The following UNC5D variants were observed in gnomAD, a reference collection of about 807,000 sequenced individuals.
UNC5D encodes netrin receptor UNC5D.
Under a neutral mutation model 105.4 loss-of-function variants are expected in UNC5D, and 39 were observed. The ratio of observed to expected loss-of-function variants is 0.37; its 90% CI spans 0.29 to 0.48. UNC5D has a LOEUF of 0.48. Ranked by LOEUF, UNC5D falls within the 20% of genes least tolerant of loss-of-function variation. UNC5D has a pLI of 0.98. For synonymous variants in UNC5D, 452 were observed against 450.4 expected (o/e 1.00, Z -0.04); for missense variants, 991 against 1,202.4 (o/e 0.82, Z 2.60).
chr8:35,550,281 C>T (rs1043084190), intron 2 of UNC5D, among the ~76,000 whole-genome samples: 4 of 152,176 alleles, frequency 2.6e-5, no homozygotes, highest in African/African-American at 9.7e-5. Context: ...AAGTAAAGTG[C>T]TTGCCCTGGA....
rs563446051 is a variant in UNC5D at position 35,391,097 on chromosome 8, G to A, written c.103+155210G>A. Among the ~76,000 whole-genome samples, 5 of 152,340 alleles carry A rather than the reference G, an allele frequency of 3.3e-5. No individual in the cohort carries two copies. The South Asian group carries it at 1.0e-3, about 32-fold the overall frequency. ...AATCTGGGAGAGATGCATAAAGAATGTTATATGCTGTAGGCATAGGAGGAA... is the reference window on the plus strand; with the variant it reads ...AATCTGGGAGAGATGCATAAAGAATATTATATGCTGTAGGCATAGGAGGAA... On this transcript the variant is annotated intron_variant, in intron 1 of 16. Transcript: ENST00000404895.
At chr8:35,638,453 T>A (rs975243994) in intron 4 of UNC5D, among the ~76,000 whole-genome samples, 4 of 151,976 alleles carry the variant, frequency 2.6e-5, no homozygotes, top group African/African-American at 9.7e-5. Flanking sequence ...TTATTATTAC[T>A]TTTTTTATGT....
intron 1 of UNC5D, among the ~76,000 whole-genome samples, chr8:35,426,732 A>G (rs1477447106): frequency 2.6e-5 from 4 of 152,128 alleles, no homozygotes; most frequent in African/African-American, 9.7e-5. Flanking sequence ...CCCCTTTTCA[A>G]TGTTAGAAAT....
chr8:35,695,709 T>TATTA (rs1428186637), intron 7 of UNC5D, among the ~76,000 whole-genome samples: 2 of 140,156 alleles, frequency 1.4e-5, no homozygotes, highest in Admixed American at 7.0e-5. Flanking sequence ...AGTATTTTTA[T>TATTA]ATTATTTATT....
intron 10 of UNC5D, 74 bp downstream of exon 10, chr8:35,726,603 G>C: frequency 6.4e-7 from 1 of 1,554,828 alleles, no homozygotes; most frequent in South Asian, 1.2e-5. Flanking sequence ...CTTCCCATCA[G>C]ATTCATTTTA....
chr8:35,775,402 T>G (rs2131744521), intron 16 of UNC5D, among the ~76,000 whole-genome samples: 1 of 152,178 alleles, frequency 6.6e-6, no homozygotes, highest in Admixed American at 6.5e-5. Context: ...CTTTATTACT[T>G]TAGGTAAGAC....
chr8:35,262,335 C>T (rs142621117), intron 1 of UNC5D, among the ~76,000 whole-genome samples: 2 of 152,218 alleles, frequency 1.3e-5, no homozygotes, highest in Admixed American at 6.5e-5. Flanking sequence ...TAGTTATGGT[C>T]GGCCGAATAG....
intron 1 of UNC5D, among the ~76,000 whole-genome samples, chr8:35,412,075 A>T (rs879301455): frequency 2.0e-4 from 30 of 151,476 alleles, no homozygotes; most frequent in Admixed American, 7.9e-4. Flanking sequence ...TTTAAAAATC[A>T]CTCTGTTACT....
At chr8:35,346,867 C>A (rs1811841599) in intron 1 of UNC5D, among the ~76,000 whole-genome samples, 1 of 151,746 alleles carries the variant, frequency 6.6e-6, no homozygotes, top group East Asian at 1.9e-4. Context: ...TCTAATGATT[C>A]TGTATTTCAG....
chr8:35,661,341 T>C (rs77971748), intron 4 of UNC5D, among the ~76,000 whole-genome samples: 125 of 152,268 alleles, frequency 8.2e-4, no homozygotes, highest in Admixed American at 1.8e-3. Context: ...CAGCATAATA[T>C]TGACTCCATG....
intron 1 of UNC5D, among the ~76,000 whole-genome samples, chr8:35,336,334 A>C (rs1585614334): frequency 6.6e-6 from 1 of 152,262 alleles, no homozygotes; most frequent in South Asian, 2.1e-4. Flanking sequence ...CTGGCTCAAA[A>C]GTTTTATGAT....
At chr8:35,516,975 G>T (rs570807251) in intron 1 of UNC5D, among the ~76,000 whole-genome samples, 6 of 152,286 alleles carry the variant, frequency 3.9e-5, no homozygotes, top group African/African-American at 1.4e-4. Flanking sequence ...CTTATTTGAG[G>T]TCATGCTGTT....
chr8:35,466,022 C>T (rs542217229), intron 1 of UNC5D, among the ~76,000 whole-genome samples: 1 of 152,246 alleles, frequency 6.6e-6, no homozygotes, highest in African/African-American at 2.4e-5. Context: ...CTGCTGACAA[C>T]TGATTTTGCC....
At chr8:35,397,340 G>C (rs1162050838) in intron 1 of UNC5D, among the ~76,000 whole-genome samples, 1 of 152,198 alleles carries the variant, frequency 6.6e-6, no homozygotes, top group African/African-American at 2.4e-5. Context: ...CAGGCAGAGT[G>C]AGCCATGCTT....
intron 1 of UNC5D, among the ~76,000 whole-genome samples, chr8:35,494,583 T>G (rs963587540): frequency 6.6e-6 from 1 of 152,184 alleles, no homozygotes; most frequent in African/African-American, 2.4e-5. Flanking sequence ...GTGACCATGA[T>G]GAAAAGCAGC....
chr8:35,579,426 G>T (rs1450642164), intron 3 of UNC5D, among the ~76,000 whole-genome samples: 1 of 152,138 alleles, frequency 6.6e-6, no homozygotes, highest in Non-Finnish European at 1.5e-5. Context: ...ATACAAACAA[G>T]TGTTTTCATG....
intron 1 of UNC5D, among the ~76,000 whole-genome samples, chr8:35,335,760 T>C (rs1810980780): frequency 8.1e-6 from 1 of 123,506 alleles, no homozygotes; most frequent in Non-Finnish European, 1.6e-5. Context: ...ATTGCAATTT[T>C]TTTTTTTTTT....
At chr8:35,519,118 G>A (rs930184671) in intron 1 of UNC5D, among the ~76,000 whole-genome samples, 1 of 152,042 alleles carries the variant, frequency 6.6e-6, no homozygotes, top group Non-Finnish European at 1.5e-5. Context: ...TAGCCTGCAT[G>A]AGTCTAGTCT....
At chr8:35,298,838 A>G (rs2980401) in intron 1 of UNC5D, among the ~76,000 whole-genome samples, 124,729 of 152,148 alleles carry the variant, frequency 0.82, 51,594 homozygotes, top group East Asian at 1. Context: ...TTATTAAGAG[A>G]AGTGGTACTT....
Sources: gnomAD v4.1 joint callset for allele counts (sites outside exome capture counted in the v4.1 genomes callset) on GRCh38, gnomAD v4.1.1 for gene constraint, MANE v1.5 for transcripts, NCBI Gene and HGNC (gene_info 2026-07-23, HGNC 2026-07-21) for gene names.